Variants in MCM9 observed in about 807,000 individuals in gnomAD.
The protein encoded by MCM9 is minichromosome maintenance 9 homologous recombination repair factor.
Under a neutral mutation model 72.8 loss-of-function variants are expected in MCM9, and 55 were observed. The observed-to-expected ratio is 0.76, with a 90% CI of 0.61 to 0.95. MCM9 has a LOEUF of 0.95. Among genes scored for constraint, MCM9 ranks in the 40% least tolerant of loss-of-function variants. The pLI, the probability that MCM9 is intolerant of heterozygous loss-of-function variation, is 0.00. For synonymous variants in MCM9, 480 were observed against 503.4 expected, an observed-to-expected ratio of 0.95 and a Z score of 0.62; for missense variants, 1,279 against 1,377.0, an observed-to-expected ratio of 0.93 and a Z score of 1.13.
At chr6:118,822,152 C>T (rs1469635217) in intron 13 of MCM9, among the ~76,000 whole-genome samples, 1 of 152,142 alleles carries the variant, frequency 6.6e-6, no homozygotes. Context: ...ATTCTCTGTC[C>T]AGTTTTGTGC....
chr6:118,843,779 T>C (rs1775672566), intron 9 of MCM9, among the ~76,000 whole-genome samples: 2 of 146,284 alleles, frequency 1.4e-5, no homozygotes, highest in African/African-American at 2.5e-5. Context: ...AGTCAGATAT[T>C]CTGATCCGGC....
chr6:118,814,390 C>CAAAAAAAAAAAAAAAAAA lies in MCM9; in HGVS notation c.*433_*434insTTTTTTTTTTTTTTTTTT, dbSNP rs59630533. On this transcript the variant is annotated 3_prime_UTR_variant, in exon 14 of 14. Coordinates refer to ENST00000619706, the MANE Select transcript of MCM9 (RefSeq NM_017696.3). ...ACTTAGCCCATTCCAGGTGAAAATA[C>CAAAAAAAAAAAAAAAAAA]AAAAAAAAAAAAAAAAAGTAGAAAA... 3 of 80,366 alleles carry CAAAAAAAAAAAAAAAAAA rather than the reference C, an allele frequency of 3.7e-5. No homozygotes were observed. The highest frequency in any genetic ancestry group is 4.1e-5 in the African/African-American group (1 of 24,674). 5.0% of individuals were successfully genotyped at this position (80,366 alleles called of 1,614,324 possible). A position where few individuals can be genotyped will look rare whatever the true frequency, so the allele number is the denominator to read the frequency against.
chr6:118,904,592 C>T (rs571649334), intron 8 of MCM9, among the ~76,000 whole-genome samples: 2 of 152,314 alleles, frequency 1.3e-5, no homozygotes, highest in South Asian at 4.1e-4. Flanking sequence ...GCCCTTCGCT[C>T]ATGCTCTTAG....
intron 8 of MCM9, chr6:118,900,632 C>T: frequency 1.5e-6 from 1 of 658,860 alleles, no homozygotes; most frequent in East Asian, 2.5e-5. Context: ...GAGCATTTCA[C>T]TGCCTTTCTG....
chr6:118,826,929 T>G, intron 11 of MCM9, 65 bp from the exon 12 acceptor site: 4 of 1,234,346 alleles, frequency 3.2e-6, no homozygotes, highest in Non-Finnish European at 4.6e-6. Flanking sequence ...TTCTCTAACT[T>G]CCTCCTCCTC....
intron 13 of MCM9, among the ~76,000 whole-genome samples, chr6:118,819,934 G>C (rs1210582634): frequency 6.6e-6 from 1 of 152,032 alleles, no homozygotes; most frequent in Non-Finnish European, 1.5e-5. Flanking sequence ...TTCTCTAATG[G>C]TAGTTTGTAT....
intron 9 of MCM9, among the ~76,000 whole-genome samples, chr6:118,852,156 T>G (rs1776271462): frequency 6.6e-6 from 1 of 152,218 alleles, no homozygotes; most frequent in African/African-American, 2.4e-5. Context: ...CAAAGGCATG[T>G]ATTTGTGCAT....
chr6:118,867,263 A>G (rs1324293740), intron 8 of MCM9, among the ~76,000 whole-genome samples: 1 of 152,198 alleles, frequency 6.6e-6, no homozygotes, highest in Non-Finnish European at 1.5e-5. Flanking sequence ...ACATAATGAC[A>G]TCAACAGTGG....
chr6:118,856,786 C>A (rs955059505), intron 8 of MCM9, among the ~76,000 whole-genome samples: 1 of 151,970 alleles, frequency 6.6e-6, no homozygotes, highest in Middle Eastern at 3.2e-3. Flanking sequence ...AAGGCTGAGG[C>A]GGGAGGATCG....
chr6:118,895,317 TC>T (rs1779316139), intron 8 of MCM9, among the ~76,000 whole-genome samples: 1 of 152,134 alleles, frequency 6.6e-6, no homozygotes, highest in Non-Finnish European at 1.5e-5. Context: ...CAACGTGGAC[TC>T]CTTTCCCCTA....
intron 8 of MCM9, among the ~76,000 whole-genome samples, chr6:118,900,582 ACT>A (rs1489061556): frequency 1.3e-5 from 2 of 152,076 alleles, no homozygotes; most frequent in Non-Finnish European, 2.9e-5. Context: ...ATTTTGAGAA[ACT>A]CTGATCAAAG....
chr6:118,901,024 T>G, intron 8 of MCM9: 1 of 616,606 alleles, frequency 1.6e-6, no homozygotes, highest in South Asian at 2.1e-5. Flanking sequence ...TTCCATCATG[T>G]TTTAGGCAGT....
At chr6:118,933,964 C>CAGAAAAAAA in intron 1 of MCM9, among the ~76,000 whole-genome samples, 1 of 100,320 alleles carries the variant, frequency 1.0e-5, no homozygotes, top group East Asian at 3.4e-4. Flanking sequence ...GGACTTTGCC[C>CAGAAAAAAA]AAAAAAAAAA....
At chr6:118,932,066 T>C (rs531990350) in intron 2 of MCM9, among the ~76,000 whole-genome samples, 3 of 152,212 alleles carry the variant, frequency 2.0e-5, no homozygotes, top group Non-Finnish European at 2.9e-5. Flanking sequence ...CCTAACAACA[T>C]TTCCGGACTG....
chr6:118,835,200 T>C (rs150686968), intron 9 of MCM9, among the ~76,000 whole-genome samples: 2,116 of 152,264 alleles, frequency 0.014, 41 homozygotes, highest in African/African-American at 0.048. Flanking sequence ...TCTGTTCCAT[T>C]GGTCTATATA....
intron 8 of MCM9, among the ~76,000 whole-genome samples, chr6:118,872,045 C>T (rs576246361): frequency 2.0e-4 from 30 of 152,030 alleles, no homozygotes; most frequent in African/African-American, 6.5e-4. Context: ...AGGCCGGGCG[C>T]GGTGGCTCAA....
rs962501408 is a variant in MCM9, at chr6:118,935,038, C to T, written c.-297G>A. The T allele has an allele frequency of 2.0e-5, 3 of 152,104 alleles. No individual in the cohort carries two copies. Among genetic ancestry groups the T allele is most frequent in the Non-Finnish European group, 2.9e-5 (2 of 68,020 alleles). 9.4% of individuals were successfully genotyped at this position (152,104 alleles called of 1,614,324 possible). ...ACGTGGCCGCTCGAGGCGCCACCGG[C>T]CGCGGGGACGCGCGGGCTGTGTCGG... On this transcript the variant is annotated 5_prime_UTR_variant, in exon 1 of 14. Coordinates refer to ENST00000619706, the MANE Select transcript of MCM9 (RefSeq NM_017696.3).
intron 8 of MCM9, among the ~76,000 whole-genome samples, chr6:118,871,146 A>C (rs1267872943): frequency 6.6e-6 from 1 of 152,230 alleles, no homozygotes; most frequent in African/African-American, 2.4e-5. Flanking sequence ...ACACTACAAA[A>C]AAAATTTACA....
intron 8 of MCM9, among the ~76,000 whole-genome samples, chr6:118,909,385 C>T (rs563787481): frequency 2.6e-5 from 4 of 152,076 alleles, no homozygotes; most frequent in Non-Finnish European, 5.9e-5. Context: ...CGAACCATTA[C>T]CTTTTGTTAT....
Sources: gnomAD v4.1 joint callset for allele counts (sites outside exome capture counted in the v4.1 genomes callset) on GRCh38, gnomAD v4.1.1 for gene constraint, MANE v1.5 for transcripts, NCBI Gene and HGNC (gene_info 2026-07-23, HGNC 2026-07-21) for gene names.